The following PITPNC1 variants were observed in gnomAD, a reference collection of about 807,000 sequenced individuals.
PITPNC1 encodes phosphatidylinositol transfer protein cytoplasmic 1.
Under a neutral mutation model 44.7 loss-of-function variants are expected in PITPNC1, and 18 were observed. The observed-to-expected ratio is 0.40, with a 90% CI of 0.28 to 0.60. The LOEUF (loss-of-function observed/expected upper bound fraction) is 0.60. Ranked by LOEUF, PITPNC1 falls within the 20% of genes least tolerant of loss-of-function variation. The pLI is 0.39. For synonymous variants in PITPNC1, 141 were observed against 149.6 expected (o/e 0.94, Z 0.42); for missense variants, 290 against 418.4 (o/e 0.69, Z 2.68).
rs76238228 is a variant in PITPNC1, at chr17:67,534,314, C to T, written c.197+1364C>T. ...CCTTTCAGTTCCTTTCTGAAACCTT[C>T]GGAATATTTGTGGTTAGATGCCATA... is the stretch of plus-strand genomic sequence containing the variant. On this transcript the variant is annotated intron_variant, in intron 2 of 8. Transcript: ENST00000581322. 2.1e-3 allele frequency among the ~76,000 whole-genome samples: 327 copies of T among 152,218 alleles called. 1 individual carries two copies. Among genetic ancestry groups the T allele is most frequent in the African/African-American group, 7.3e-3 (304 of 41,514 alleles).
At chr17:67,486,433 T>C (rs1339493685) in intron 1 of PITPNC1, among the ~76,000 whole-genome samples, 1 of 152,208 alleles carries the variant, frequency 6.6e-6, no homozygotes, top group African/African-American at 2.4e-5. Flanking sequence ...AGTCTGTATG[T>C]AGTCTTGCTA....
intron 1 of PITPNC1, among the ~76,000 whole-genome samples, chr17:67,394,936 C>G (rs1480194242): frequency 6.6e-6 from 1 of 151,890 alleles, no homozygotes; most frequent in Admixed American, 6.6e-5. Flanking sequence ...TGGCTCATAC[C>G]TATAATCTCA....
intron 1 of PITPNC1, among the ~76,000 whole-genome samples, chr17:67,464,196 TAA>T (rs75020823): frequency 3.1e-5 from 4 of 129,340 alleles, no homozygotes; most frequent in South Asian, 4.7e-4. Flanking sequence ...CCATCTCAAT[TAA>T]AAAAAAAAAA....
chr17:67,589,056 G>A (rs2041357220), intron 5 of PITPNC1, among the ~76,000 whole-genome samples: 1 of 152,170 alleles, frequency 6.6e-6, no homozygotes, highest in Non-Finnish European at 1.5e-5. Flanking sequence ...CAGTTTGGAA[G>A]GATTATTATC....
chr17:67,544,201 T>C (rs1324308838), intron 2 of PITPNC1, among the ~76,000 whole-genome samples: 1 of 152,212 alleles, frequency 6.6e-6, no homozygotes, highest in Non-Finnish European at 1.5e-5. Context: ...TAGTATGCCT[T>C]GACACGTCTT....
intron 1 of PITPNC1, among the ~76,000 whole-genome samples, chr17:67,431,738 G>C (rs982164953): frequency 1.3e-5 from 2 of 152,058 alleles, no homozygotes; most frequent in Non-Finnish European, 2.9e-5. Context: ...TAAACACAGA[G>C]GCATGCATAG....
chr17:67,427,359 C>T lies in PITPNC1; in HGVS notation c.48+49157C>T, dbSNP rs555997428. Reference sequence around the variant, plus strand: ...CCGAGTAGCTGGGACCACAGGCGCCCGCAACCACGCCCGGCTAATTTTTTT... The same window carrying T: ...CCGAGTAGCTGGGACCACAGGCGCCTGCAACCACGCCCGGCTAATTTTTTT... On this transcript the variant is annotated intron_variant, in intron 1 of 8. Transcript: ENST00000581322. Among the ~76,000 whole-genome samples, 10 of 152,142 alleles carry T rather than the reference C, an allele frequency of 6.6e-5. No homozygotes were observed. In the East Asian group the frequency reaches 1.4e-3, roughly 21 times the overall value.
intron 5 of PITPNC1, among the ~76,000 whole-genome samples, chr17:67,579,026 G>C (rs1171787192): frequency 6.6e-6 from 1 of 152,202 alleles, no homozygotes; most frequent in Non-Finnish European, 1.5e-5. Flanking sequence ...AGATATGTGT[G>C]TGCATACTGC....
Position 67,532,432 on chromosome 17 carries a change from C to G in PITPNC1, c.49-370C>G, listed in dbSNP as rs1442081896. Among the ~76,000 whole-genome samples, 4 of 152,270 alleles carry G rather than the reference C, an allele frequency of 2.6e-5. No individual in the cohort carries two copies. The East Asian group carries it at 7.7e-4, about 29-fold the overall frequency. On this transcript the variant is annotated intron_variant, in intron 1 of 8. Coordinates refer to ENST00000581322, the MANE Select transcript of PITPNC1 (RefSeq NM_012417.4). Reference sequence around the variant, plus strand: ...AGAAAGCAGGGGCAGAAATCACACACCCTCGGCTGTCTTGGGCCAAACCAA... The same window carrying G: ...AGAAAGCAGGGGCAGAAATCACACAGCCTCGGCTGTCTTGGGCCAAACCAA...
chr17:67,557,207 G>A (rs2040849824), intron 4 of PITPNC1, among the ~76,000 whole-genome samples: 1 of 152,140 alleles, frequency 6.6e-6, no homozygotes, highest in South Asian at 2.1e-4. Flanking sequence ...CAGAGACAGA[G>A]CAAGTTCTCT....
At chr17:67,558,560 G>C (rs1030349155) in intron 4 of PITPNC1, among the ~76,000 whole-genome samples, 3 of 152,044 alleles carry the variant, frequency 2.0e-5, no homozygotes, top group African/African-American at 7.2e-5. Context: ...TTTTCTTCTT[G>C]TTTGTAGGAA....
At chr17:67,671,129 A>G (rs1024403808) in intron 7 of PITPNC1, among the ~76,000 whole-genome samples, 2 of 152,062 alleles carry the variant, frequency 1.3e-5, no homozygotes, top group Non-Finnish European at 2.9e-5. Flanking sequence ...CTCCTGATCT[A>G]TCTGCCTCGG....
chr17:67,471,740 C>T (rs1373464167), intron 1 of PITPNC1, among the ~76,000 whole-genome samples: 2 of 151,738 alleles, frequency 1.3e-5, no homozygotes, highest in Admixed American at 6.6e-5. Flanking sequence ...ATGTTAATAT[C>T]GTACTAATTA....
At chr17:67,509,860 T>C (rs549146612) in intron 1 of PITPNC1, among the ~76,000 whole-genome samples, 1 of 152,256 alleles carries the variant, frequency 6.6e-6, no homozygotes, top group South Asian at 2.1e-4. Context: ...CAATTCGTCT[T>C]CTCTGAGCAA....
At chr17:67,515,397 C>G (rs1245208246) in intron 1 of PITPNC1, among the ~76,000 whole-genome samples, 3 of 152,144 alleles carry the variant, frequency 2.0e-5, no homozygotes, top group Non-Finnish European at 4.4e-5. Flanking sequence ...GCCTTGTGGA[C>G]AGTCCTGAAT....
At chr17:67,459,618 C>G (rs769791499) in intron 1 of PITPNC1, 1 of 152,126 alleles carries the variant, frequency 6.6e-6, no homozygotes, top group Non-Finnish European at 1.5e-5. Flanking sequence ...TGGGAGATTC[C>G]GCCCCTACGT....
intron 1 of PITPNC1, among the ~76,000 whole-genome samples, chr17:67,473,719 C>G (rs1431471380): frequency 6.6e-6 from 1 of 152,184 alleles, no homozygotes; most frequent in Non-Finnish European, 1.5e-5. Context: ...GCAGGCATTA[C>G]AGGTGCATGC....
At position 67,694,319 on chromosome 17, in the gene PITPNC1, A is replaced by C. The variant is rs2537846; in HGVS notation, c.*1431A>C. 6.6e-6 allele frequency: 1 copy of C among 152,154 alleles called. No homozygotes were observed. The highest frequency in any genetic ancestry group is 1.5e-5 in the Non-Finnish European group (1 of 68,060). The allele number at this position is 152,154 out of a possible 1,614,324, so 9.4% of individuals were successfully genotyped here. ...AAGTAATTGGGCAACTTGGAGGCCC[A>C]CGCCCCAGCTAGCCTTCCTGATCGT... On this transcript the variant is annotated 3_prime_UTR_variant, in exon 9 of 9. Coordinates refer to ENST00000581322, the MANE Select transcript of PITPNC1 (RefSeq NM_012417.4).
chr17:67,405,157 G>C (rs1353755061), intron 1 of PITPNC1, among the ~76,000 whole-genome samples: 1 of 152,066 alleles, frequency 6.6e-6, no homozygotes, highest in African/African-American at 2.4e-5. Context: ...TGAGGCATGA[G>C]AATCACTTGA....
Sources: gnomAD v4.1 joint callset for allele counts (sites outside exome capture counted in the v4.1 genomes callset) on GRCh38, gnomAD v4.1.1 for gene constraint, MANE v1.5 for transcripts, NCBI Gene and HGNC (gene_info 2026-07-23, HGNC 2026-07-21) for gene names.